EEIG2: variants seen among roughly 807,000 people sequenced by gnomAD.
EEIG2 encodes family with sequence similarity 102 member B.
the EEIG2 span, chr1:108,638,828 C>T: frequency 3.3e-5 from 5 of 152,178 alleles, no homozygotes; most frequent in Admixed American, 6.5e-5. Context: ...CTTACACATG[C>T]GATTTTTGTA....
the EEIG2 span, among the ~76,000 whole-genome samples, chr1:108,582,169 G>A: frequency 6.6e-6 from 1 of 152,094 alleles, no homozygotes; most frequent in South Asian, 2.1e-4. Flanking sequence ...ACATAATGCT[G>A]TTATACACTT....
At chr1:108,624,676 G>C in the EEIG2 span, 1 of 1,614,054 alleles carries the variant, frequency 6.2e-7, no homozygotes, top group Non-Finnish European at 8.5e-7. Flanking sequence ...TATACCAATT[G>C]CTGGTGAATC....
the EEIG2 span, among the ~76,000 whole-genome samples, chr1:108,564,261 G>T: frequency 6.6e-6 from 1 of 151,918 alleles, no homozygotes; most frequent in Non-Finnish European, 1.5e-5. Context: ...AGGTTGGGTG[G>T]GGGGGAAATT....
the EEIG2 span, among the ~76,000 whole-genome samples, chr1:108,622,132 G>A: frequency 6.6e-6 from 1 of 152,314 alleles, no homozygotes; most frequent in East Asian, 1.9e-4. Context: ...ACTCCAGCCT[G>A]GGAAATGAGC....
chr1:108,634,699 G>A, the EEIG2 span, among the ~76,000 whole-genome samples: 2 of 152,224 alleles, frequency 1.3e-5, no homozygotes, highest in Middle Eastern at 3.4e-3. Context: ...CCATGAAAAC[G>A]CCACAATATT....
the EEIG2 span, among the ~76,000 whole-genome samples, chr1:108,572,931 G>A: frequency 6.6e-6 from 1 of 152,086 alleles, no homozygotes; most frequent in Non-Finnish European, 1.5e-5. Context: ...TTCCTTCATG[G>A]CCTCGTAATT....
chr1:108,599,471 C>G, the EEIG2 span, among the ~76,000 whole-genome samples: 6 of 152,086 alleles, frequency 3.9e-5, no homozygotes, highest in Non-Finnish European at 7.4e-5. Flanking sequence ...GAATGGTTAT[C>G]TTTTTCTAAG....
the EEIG2 span, chr1:108,606,165 A>G: frequency 1.0e-4 from 114 of 1,105,234 alleles, no homozygotes; most frequent in Non-Finnish European, 1.4e-4. Flanking sequence ...TTTGACATAT[A>G]TTTAATTTTA....
the EEIG2 span, among the ~76,000 whole-genome samples, chr1:108,561,008 T>C: frequency 1.3e-5 from 2 of 152,252 alleles, no homozygotes; most frequent in Non-Finnish European, 2.9e-5. Context: ...CCACCCACTC[T>C]GAGGCTGGGG....
the EEIG2 span, among the ~76,000 whole-genome samples, chr1:108,619,087 A>G: frequency 9.9e-4 from 150 of 152,278 alleles, 1 homozygote; most frequent in Non-Finnish European, 8.4e-4. Context: ...GTTCCTTCTC[A>G]TGAACTTTTT....
chr1:108,634,700 C>T, the EEIG2 span, among the ~76,000 whole-genome samples: 53 of 152,236 alleles, frequency 3.5e-4, no homozygotes, highest in Non-Finnish European at 7.5e-4. Context: ...CATGAAAACG[C>T]CACAATATTA....
the EEIG2 span, among the ~76,000 whole-genome samples, chr1:108,630,308 A>G: frequency 1.3e-5 from 2 of 152,226 alleles, no homozygotes; most frequent in Non-Finnish European, 2.9e-5. Context: ...CATCATTCTC[A>G]GCAAACTATC....
chr1:108,571,293 G>T, the EEIG2 span, among the ~76,000 whole-genome samples: 2 of 152,136 alleles, frequency 1.3e-5, no homozygotes, highest in African/African-American at 4.8e-5. Flanking sequence ...GAAGATGGGG[G>T]TGGAGAATAA....
chr1:108,579,772 T>TGTGTGAGAGA, the EEIG2 span, among the ~76,000 whole-genome samples: 21 of 58,872 alleles, frequency 3.6e-4, no homozygotes, highest in East Asian at 7.9e-4. Flanking sequence ...TGTGTGTGTG[T>TGTGTGAGAGA]GAGAGAGAGA....
the EEIG2 span, among the ~76,000 whole-genome samples, chr1:108,613,773 C>T: frequency 6.6e-6 from 1 of 152,062 alleles, no homozygotes; most frequent in Non-Finnish European, 1.5e-5. Context: ...ATCATTTTTC[C>T]ATAGCTTCAC....
At chr1:108,616,573 C>G in the EEIG2 span, 1 of 582,172 alleles carries the variant, frequency 1.7e-6, no homozygotes, top group Non-Finnish European at 3.0e-6. Context: ...TGACCTGACC[C>G]TCTTAGAAGT....
chr1:108,604,389 A>C, the EEIG2 span, among the ~76,000 whole-genome samples: 1 of 152,246 alleles, frequency 6.6e-6, no homozygotes, highest in Non-Finnish European at 1.5e-5. Context: ...TTATGTTTTG[A>C]ATAGAGTTAA....
the EEIG2 span, among the ~76,000 whole-genome samples, chr1:108,629,098 A>G: frequency 2.0e-5 from 3 of 152,224 alleles, no homozygotes; most frequent in Admixed American, 6.5e-5. Context: ...AATGATAGGT[A>G]TCTACATCTG....
the EEIG2 span, chr1:108,637,551 C>T: frequency 6.6e-6 from 1 of 151,988 alleles, no homozygotes; most frequent in Non-Finnish European, 1.5e-5. Flanking sequence ...GAAAATTTGA[C>T]TTGAAAATTT....
Sources: gnomAD v4.1 joint callset for allele counts (sites outside exome capture counted in the v4.1 genomes callset) on GRCh38, gnomAD v4.1.1 for gene constraint, MANE v1.5 for transcripts, NCBI Gene and HGNC (gene_info 2026-07-23, HGNC 2026-07-21) for gene names.